The following ZNF679 variants were observed in gnomAD, a reference collection of about 807,000 sequenced individuals.
The protein encoded by ZNF679 is zinc finger protein 679.
A neutral mutation model predicts 13.4 loss-of-function variants in ZNF679; 10 were observed. The ratio of observed to expected loss-of-function variants is 0.75; its 90% CI spans 0.46 to 1.27. The LOEUF is 1.27. Among genes scored for constraint, ZNF679 ranks in the 50% most tolerant of loss-of-function variants. The pLI, the probability that ZNF679 is intolerant of heterozygous loss-of-function variation, is 0.00. For synonymous variants in ZNF679, 179 were observed against 162.5 expected (o/e 1.10, Z -0.77); for missense variants, 525 against 477.8 (o/e 1.10, Z -0.92).
At chr7:64,262,511 A>T (rs1259258700) in intron 4 of ZNF679, among the ~76,000 whole-genome samples, 1 of 152,194 alleles carries the variant, frequency 6.6e-6, no homozygotes, top group African/African-American at 2.4e-5. Flanking sequence ...CAATTAAAGC[A>T]TCCAAGTTTA....
chr7:64,236,643 T>G (rs2116511084), intron 1 of ZNF679, among the ~76,000 whole-genome samples: 1 of 151,728 alleles, frequency 6.6e-6, no homozygotes, highest in East Asian at 2.0e-4. Flanking sequence ...ATTAGCCAGG[T>G]GTAGTGCACG....
chr7:64,230,454 A>AC (rs1787621555), intron 1 of ZNF679, among the ~76,000 whole-genome samples: 1 of 150,762 alleles, frequency 6.6e-6, no homozygotes, highest in South Asian at 2.1e-4. Flanking sequence ...AATGGCGTGA[A>AC]CCCGGGAAGC....
At chr7:64,255,304 G>A (rs1019696441) in intron 2 of ZNF679, among the ~76,000 whole-genome samples, 4 of 152,178 alleles carry the variant, frequency 2.6e-5, no homozygotes, top group South Asian at 2.1e-4. Context: ...ACATTGATGC[G>A]TCCACACCCC....
Position 64,266,119 on chromosome 7 carries a change from C to T in ZNF679, c.486C>T (p.Val162=), listed in dbSNP as rs761699394. The T allele has an allele frequency of 6.2e-7, 1 of 1,610,690 alleles. No homozygotes were observed. Among genetic ancestry groups the T allele is most frequent in the Non-Finnish European group, 8.5e-7 (1 of 1,178,006 alleles). ...QNKIFQTHKC[V]KVFGKFSNSN... ...AAATATTTCAGACTCATAAATGTGT[C>T]AAAGTCTTCGGCAAATTTTCAAATT... Residue 162 remains valine (V), a synonymous_variant, in exon 5 of 5, where the codon GTC becomes GTT. Coordinates refer to ENST00000421025, the MANE Select transcript of ZNF679 (RefSeq NM_153363.3).
chr7:64,255,691 C>G (rs1326404820), intron 2 of ZNF679, among the ~76,000 whole-genome samples: 1 of 151,924 alleles, frequency 6.6e-6, no homozygotes, highest in Non-Finnish European at 1.5e-5. Context: ...TCACTGCAAC[C>G]TCCGCCTCCC....
intron 4 of ZNF679, among the ~76,000 whole-genome samples, chr7:64,265,240 T>C (rs1788128015): frequency 6.6e-6 from 1 of 152,184 alleles, no homozygotes; most frequent in Admixed American, 6.6e-5. Flanking sequence ...AAACCAATTT[T>C]CTTTCTTGGC....
chr7:64,233,815 C>G (rs1787673386), intron 1 of ZNF679, among the ~76,000 whole-genome samples: 2 of 152,086 alleles, frequency 1.3e-5, no homozygotes, highest in South Asian at 4.1e-4. Flanking sequence ...ATCAGAAGTG[C>G]AAAAGGTCTA....
Position 64,260,843 on chromosome 7 carries a change from T to A in ZNF679, c.176T>A (p.Val59Asp), listed in dbSNP as rs770080968. Residue 59 changes from valine to aspartate, a missense_variant, in exon 4 of 5, where the codon GTC becomes GAC. By Grantham distance (152) the Val-to-Asp change is radical. Transcript: ENST00000421025. ...TTTCTTAATAAAACAGGTATTGCTG[T>A]CTCTAAGCCAGACTTGATCACCTGT... ...YRNLVSLGIA[V>D]SKPDLITCLE... is the part of the protein sequence containing the mutation. The A allele has an allele frequency of 3.5e-5, 56 of 1,603,420 alleles. No individual in the cohort carries two copies. The East Asian group carries it at 6.5e-4, about 19-fold the overall frequency.
At chr7:64,235,177 T>C (rs558485801) in intron 1 of ZNF679, among the ~76,000 whole-genome samples, 1 of 151,952 alleles carries the variant, frequency 6.6e-6, no homozygotes. Context: ...AAATGAGAAA[T>C]CAATAGCCAA....
rs1788056514 is a variant in ZNF679 at position 64,260,208 on chromosome 7, T to A, written c.40-13T>A. On this transcript the variant is annotated splice_polypyrimidine_tract_variant and intron_variant, in intron 2 of 4. Coordinates refer to ENST00000421025, the MANE Select transcript of ZNF679 (RefSeq NM_153363.3). ...TTCATGAGTGTTTTTTTGTTGTTGTTATTGTTTTTCAGGGACTGTTGACAT... is the reference window on the plus strand; with the variant it reads ...TTCATGAGTGTTTTTTTGTTGTTGTAATTGTTTTTCAGGGACTGTTGACAT... 6.3e-7 allele frequency: 1 copy of A among 1,589,562 alleles called. No individual in the cohort carries two copies. Among genetic ancestry groups the A allele is most frequent in the African/African-American group, 1.4e-5 (1 of 73,346 alleles).
Position 64,235,537 on chromosome 7 carries a change from C to A in ZNF679, c.-91+6885C>A, listed in dbSNP as rs182408648. 3.3e-5 allele frequency among the ~76,000 whole-genome samples: 5 copies of A among 152,196 alleles called. No homozygotes were observed. In the East Asian group the frequency reaches 9.7e-4, roughly 29 times the overall value. ...GGCTAGGTGGCTCATGCCTGTAATC[C>A]CAGCACTTTGAAAGGCCGATGTGGG... On this transcript the variant is annotated intron_variant, in intron 1 of 4. Transcript: ENST00000421025.
Position 64,255,861 on chromosome 7 carries a change from A to T in ZNF679, c.40-4360A>T, listed in dbSNP as rs1366712298. Among the ~76,000 whole-genome samples the T allele has an allele frequency of 2.6e-5, 4 of 152,144 alleles. No individual in the cohort carries two copies. In the East Asian group the frequency reaches 7.7e-4, roughly 29 times the overall value. ...TAGCCTCAGGTGATCTGCCTGCCTC[A>T]ACCTCCCAAAGGGTTGGGATTACAG... On this transcript the variant is annotated intron_variant, in intron 2 of 4. Transcript: ENST00000421025.
intron 1 of ZNF679, among the ~76,000 whole-genome samples, chr7:64,237,881 A>T (rs73698365): frequency 2.0e-5 from 3 of 152,176 alleles, no homozygotes; most frequent in Non-Finnish European, 4.4e-5. Flanking sequence ...GAAAATGCCA[A>T]TTGGAAAAAA....
chr7:64,245,650 A>G (rs1193556341), intron 1 of ZNF679, among the ~76,000 whole-genome samples: 1 of 152,146 alleles, frequency 6.6e-6, no homozygotes, highest in Non-Finnish European at 1.5e-5. Flanking sequence ...CCCTTGTTCC[A>G]TGATCCTGTA....
At chr7:64,253,522 T>C (rs532649178) in intron 2 of ZNF679, among the ~76,000 whole-genome samples, 3 of 152,306 alleles carry the variant, frequency 2.0e-5, no homozygotes, top group East Asian at 3.9e-4. Context: ...TAGATGGGAA[T>C]TGGAAAGACC....
chr7:64,258,195 A>G (rs1223174089), intron 2 of ZNF679, among the ~76,000 whole-genome samples: 1 of 152,068 alleles, frequency 6.6e-6, no homozygotes, highest in Non-Finnish European at 1.5e-5. Context: ...CTTTTCAATT[A>G]TACACAACAA....
At chr7:64,234,397 C>T (rs1439201295) in intron 1 of ZNF679, among the ~76,000 whole-genome samples, 2 of 152,142 alleles carry the variant, frequency 1.3e-5, no homozygotes, top group Non-Finnish European at 2.9e-5. Context: ...TCAAAGTAGG[C>T]TGGAGATGCG....
intron 1 of ZNF679, among the ~76,000 whole-genome samples, chr7:64,231,127 T>A (rs1331685407): frequency 6.6e-6 from 1 of 152,194 alleles, no homozygotes; most frequent in Non-Finnish European, 1.5e-5. Flanking sequence ...AATATGCATA[T>A]GAGTGTTGTA....
chr7:64,259,807 AGTCC>A (rs1788051119), intron 2 of ZNF679, among the ~76,000 whole-genome samples: 1 of 152,136 alleles, frequency 6.6e-6, no homozygotes, highest in South Asian at 2.1e-4. Context: ...TCACGCCTGT[AGTCC>A]CAGCTACTTG....
Sources: gnomAD v4.1 joint callset for allele counts (sites outside exome capture counted in the v4.1 genomes callset) on GRCh38, gnomAD v4.1.1 for gene constraint, MANE v1.5 for transcripts, NCBI Gene and HGNC (gene_info 2026-07-23, HGNC 2026-07-21) for gene names.